Variants in CAPS2 observed in about 807,000 individuals in gnomAD.
CAPS2 encodes the protein calcyphosin-2.
A neutral mutation model predicts 86.5 loss-of-function variants in CAPS2; 98 were observed. That is an observed-to-expected ratio of 1.13 (90% confidence interval 0.96 to 1.34). CAPS2 has a LOEUF of 1.34. CAPS2 is among the 40% of genes most tolerant of loss of function. The pLI is 0.00. For missense variants in CAPS2, 729 were observed against 686.8 expected, an observed-to-expected ratio of 1.06 and a Z score of -0.69; for synonymous variants, 210 against 225.1, an observed-to-expected ratio of 0.93 and a Z score of 0.60.
chr12:75,314,625 T>C (rs948999662), intron 6 of CAPS2, among the ~76,000 whole-genome samples: 1 of 151,638 alleles, frequency 6.6e-6, no homozygotes, highest in African/African-American at 2.4e-5. Flanking sequence ...TAAAGCAAGG[T>C]ATTTTTTTAA....
chr12:75,321,600 T>C, intron 4 of CAPS2, 24 bp from the exon 5 acceptor site: 1 of 1,503,172 alleles, frequency 6.7e-7, no homozygotes, highest in Non-Finnish European at 9.0e-7. Flanking sequence ...GAAAAAAGCA[T>C]GCTATCAGAA....
intron 1 of CAPS2, among the ~76,000 whole-genome samples, chr12:75,375,868 T>A (rs570731526): frequency 6.6e-6 from 1 of 152,198 alleles, no homozygotes; most frequent in Admixed American, 6.5e-5. Flanking sequence ...GATCCAATTA[T>A]TCCCATTGAA....
chr12:75,294,944 T>TA (rs1311992661), intron 11 of CAPS2: 6 of 152,354 alleles, frequency 3.9e-5, no homozygotes, highest in African/African-American at 1.2e-4. Flanking sequence ...AGATGGCTGA[T>TA]ACTTAAATAA....
At chr12:75,298,102 T>G (rs111410584) in intron 11 of CAPS2, 300 of 152,798 alleles carry the variant, frequency 2.0e-3, no homozygotes, top group Admixed American at 2.9e-3. Flanking sequence ...TCACTGTGGA[T>G]AGTGCTGTAT....
At chr12:75,337,104 G>C (rs1416772873) in intron 1 of CAPS2, among the ~76,000 whole-genome samples, 2 of 151,776 alleles carry the variant, frequency 1.3e-5, no homozygotes, top group African/African-American at 2.4e-5. Flanking sequence ...TATAGCAAAA[G>C]AAGTGTTTGG....
chr12:75,359,355 GTCTTTTTTTTTTT>G (rs1306914672), intron 1 of CAPS2, among the ~76,000 whole-genome samples: 35 of 46,444 alleles, frequency 7.5e-4, no homozygotes, highest in African/African-American at 2.8e-3. Context: ...CAGCATTGTT[GTCTTTTTTTTTTT>G]TTTTTTTTTT....
chr12:75,338,236 G>T (rs11833128), intron 1 of CAPS2, among the ~76,000 whole-genome samples: 51 of 152,086 alleles, frequency 3.4e-4, no homozygotes, highest in African/African-American at 1.1e-3. Context: ...CACATATAAA[G>T]AATATTATAT....
chr12:75,362,547 C>G (rs1401870599), intron 1 of CAPS2, among the ~76,000 whole-genome samples: 1 of 152,112 alleles, frequency 6.6e-6, no homozygotes, highest in Non-Finnish European at 1.5e-5. Context: ...TGGAATACTA[C>G]TCATGTTGTT....
chr12:75,386,638 T>C (rs1263848961), intron 1 of CAPS2, among the ~76,000 whole-genome samples: 1 of 152,182 alleles, frequency 6.6e-6, no homozygotes, highest in African/African-American at 2.4e-5. Flanking sequence ...TTCCAGCATA[T>C]GAATTTAGGG....
upstream of CAPS2, chr12:75,334,508 G>C: frequency 7.4e-7 from 1 of 1,351,798 alleles, no homozygotes; most frequent in African/African-American, 1.5e-5. Context: ...GGGCGACTCA[G>C]AGCTTTCCCC....
At chr12:75,355,934 C>T (rs1048501125) in intron 1 of CAPS2, among the ~76,000 whole-genome samples, 1 of 152,080 alleles carries the variant, frequency 6.6e-6, no homozygotes, top group Non-Finnish European at 1.5e-5. Flanking sequence ...ACAATGGGAA[C>T]GCTTGGCCAC....
At chr12:75,330,527 T>A (rs1164177907), upstream of CAPS2, among the ~76,000 whole-genome samples, 1 of 152,216 alleles carries the variant, frequency 6.6e-6, no homozygotes, top group African/African-American at 2.4e-5. Context: ...GGAGAAGAAA[T>A]TTAAGCATAT....
exon 6 of CAPS2, chr12:75,316,330 C>T: frequency 1.9e-6 from 3 of 1,550,708 alleles, no homozygotes; most frequent in Non-Finnish European, 2.6e-6. Context: ...ATTTTCTTGC[C>T]CTCTGTTGTT....
chr12:75,335,855 C>T lies in CAPS2; in HGVS notation c.-394-12633G>A, dbSNP rs139738733. Among the ~76,000 whole-genome samples, 154 of 151,980 alleles carry T rather than the reference C, an allele frequency of 1.0e-3. 1 individual carries two copies. Among genetic ancestry groups the T allele is most frequent in the African/African-American group, 3.5e-3 (146 of 41,496 alleles). On this transcript the variant is annotated intron_variant, in intron 1 of 5. Coordinates refer to the CAPS2 transcript ENST00000551829. The stretch of plus-strand genomic sequence containing the variant: ...AAATTAACTAGAAATAAATCTTCAA[C>T]GGAATTCAGAAATACTAATATTAGT...
chr12:75,287,323 G>A (rs1438665840), intron 14 of CAPS2, among the ~76,000 whole-genome samples: 1 of 151,786 alleles, frequency 6.6e-6, no homozygotes, highest in South Asian at 2.1e-4. Context: ...TTCTGTGTTG[G>A]AGCTGGCCAT....
intron 1 of CAPS2, among the ~76,000 whole-genome samples, chr12:75,363,986 T>C (rs1204163060): frequency 6.6e-6 from 1 of 152,188 alleles, no homozygotes. Context: ...GTTAAGTAAT[T>C]GTCTAAAGGC....
intron 13 of CAPS2, 112 bp downstream of exon 13, chr12:75,291,632 G>A (rs2035987749): frequency 5.5e-6 from 1 of 181,126 alleles, no homozygotes; most frequent in Non-Finnish European, 1.1e-5. Context: ...AATAAGCAAA[G>A]GGTAAATATA....
At chr12:75,386,901 C>G (rs1373525483) in intron 1 of CAPS2, among the ~76,000 whole-genome samples, 8 of 151,836 alleles carry the variant, frequency 5.3e-5, no homozygotes, top group Admixed American at 5.2e-4. Context: ...ATACCCTTCA[C>G]AAAAATTAAT....
intron 1 of CAPS2, among the ~76,000 whole-genome samples, chr12:75,350,486 T>G (rs530397951): frequency 1.3e-5 from 2 of 152,238 alleles, no homozygotes; most frequent in African/African-American, 4.8e-5. Context: ...GAATGCCCAG[T>G]GGAAAGATCA....
Sources: gnomAD v4.1 joint callset for allele counts (sites outside exome capture counted in the v4.1 genomes callset) on GRCh38, gnomAD v4.1.1 for gene constraint, MANE v1.5 for transcripts, NCBI Gene and HGNC (gene_info 2026-07-23, HGNC 2026-07-21) for gene names.